Variants in SLC30A5 observed in about 807,000 individuals in gnomAD.
SLC30A5 encodes solute carrier family 30 member 5.
In SLC30A5, 33 loss-of-function variants were observed where a neutral mutation model predicts 79.6. That is an observed-to-expected ratio of 0.41 (90% CI 0.31 to 0.55). The LOEUF (loss-of-function observed/expected upper bound fraction) is 0.55. Ranked by LOEUF, SLC30A5 falls within the 20% of genes least tolerant of loss-of-function variation. SLC30A5 has a pLI of 0.20. For missense variants in SLC30A5, 788 were observed against 928.1 expected (o/e 0.85, Z 1.96); for synonymous variants, 299 against 319.7 (o/e 0.94, Z 0.69).
In SLC30A5 at chr5:69,113,228, G is replaced by A. The variant is rs947796123; in HGVS notation, c.535+1G>A. ...CTCATGGCTAAAATGGCTGAACACC[G>A]TATCCTTTTGGAATAGATCAGAGTT... On this transcript the variant is annotated splice_donor_variant, in intron 6 of 15. Transcript: ENST00000396591. LOFTEE classifies it high-confidence loss of function. 13 of 1,609,902 alleles carry A rather than the reference G, an allele frequency of 8.1e-6. No individual in the cohort carries two copies. Among genetic ancestry groups the A allele is most frequent in the Admixed American group, 3.3e-5 (2 of 59,774 alleles).
chr5:69,129,448 T>G lies in SLC30A5; in HGVS notation c.2129T>G (p.Val710Gly). The change falls in exon 16 of 16, where the codon GTT becomes GGT. Residue 710 changes from valine (V) to glycine (G), a missense_variant and splice_region_variant. Val to Gly is a moderately radical substitution (Grantham distance 109). Coordinates refer to ENST00000396591, the MANE Select transcript of SLC30A5 (RefSeq NM_022902.5). ...AAAATATCTGGATTTTTATAACAGG[T>G]TACAGGAATACTTAAAGATGCTGGA... is the stretch of plus-strand genomic sequence containing the variant. Reference protein sequence around the residue: ...DVLEQRIVQQVTGILKDAGVN... With the variant: ...DVLEQRIVQQGTGILKDAGVN... The G allele has an allele frequency of 6.2e-7, 1 of 1,609,470 alleles. No homozygotes were observed.
intron 2 of SLC30A5, among the ~76,000 whole-genome samples, chr5:69,101,924 T>G (rs1745932956): frequency 6.7e-6 from 1 of 148,850 alleles, no homozygotes; most frequent in Non-Finnish European, 1.5e-5. Context: ...GCCACTGCAC[T>G]CCAGCCTGGG....
Position 69,101,794 on chromosome 5 carries a change from T to C in SLC30A5, c.206+865T>C, listed in dbSNP as rs1222984667. Among the ~76,000 whole-genome samples, 78 of 150,416 alleles carry C rather than the reference T, an allele frequency of 5.2e-4. 2 individuals carry two copies. Among genetic ancestry groups the C allele is most frequent in the Admixed American group, 5.1e-3 (77 of 15,150 alleles). The stretch of plus-strand genomic sequence containing the variant: ...CAACATGTCGAAAGCCTGTCTCTAC[T>C]AAAGATACAAAAATTAGCCAAGCGT... On this transcript the variant is annotated intron_variant, in intron 2 of 15. Transcript: ENST00000396591.
intron 1 of SLC30A5, among the ~76,000 whole-genome samples, chr5:69,096,972 C>CAA (rs35484001): frequency 4.8e-5 from 7 of 146,410 alleles, no homozygotes; most frequent in Non-Finnish European, 7.5e-5. Flanking sequence ...CTTTCCCCTC[C>CAA]AAAAAAAAAC....
chr5:69,123,675 G>A (rs1313525392), intron 14 of SLC30A5: 2 of 387,710 alleles, frequency 5.2e-6, no homozygotes, highest in East Asian at 5.1e-5. Context: ...TCTTGGATGA[G>A]AAGACTCTTT....
intron 4 of SLC30A5, among the ~76,000 whole-genome samples, chr5:69,107,293 G>A (rs753966696): frequency 3.3e-5 from 5 of 152,108 alleles, no homozygotes; most frequent in Non-Finnish European, 4.4e-5. Flanking sequence ...AACATGCAAG[G>A]AATTGTCATC....
In SLC30A5 at chr5:69,102,050, CTTTTTTT is replaced by C. The variant is rs758327246; in HGVS notation, c.207-995_207-989del. Among the ~76,000 whole-genome samples, 200 of 99,386 alleles carry C rather than the reference CTTTTTTT, an allele frequency of 2.0e-3. 2 individuals are homozygous for C. Among genetic ancestry groups the C allele is most frequent in the African/African-American group, 6.8e-3 (160 of 23,416 alleles). 65.2% of individuals were successfully genotyped at this position (99,386 alleles called of 152,430 possible). On this transcript the variant is annotated intron_variant, in intron 2 of 15. Transcript: ENST00000396591. ...GGAAATATTAAGCACCAGTGACGTG[CTTTTTTT>C]TTTTTTTTTTTTTTTTGAGACAGTC...
At chr5:69,127,150 C>T (rs910928153) in intron 14 of SLC30A5, among the ~76,000 whole-genome samples, 5 of 152,064 alleles carry the variant, frequency 3.3e-5, no homozygotes, top group African/African-American at 9.7e-5. Flanking sequence ...TGTTGTTGAA[C>T]ATTGAGGATA....
Position 69,116,169 on chromosome 5 carries a change from G to T in SLC30A5, c.1027G>T (p.Val343Phe). Residue 343 changes from valine (V) to phenylalanine (F), a missense_variant, in exon 9 of 16, where the codon GTC (valine) becomes TTC (phenylalanine). Transcript: ENST00000396591. This position sits in a 1 kb window ranked among gnomAD's most constrained non-coding sequence, Gnocchi z 4.0. The part of the protein sequence containing the change: ...KAAHQESTEH[V>F]LSGGVVVSAI... ...AGCACACCAGGAGAGCACTGAACAC[G>T]TCCTGTCTGGAGGAGTGGTAGTGAG... The T allele has an allele frequency of 1.9e-6, 3 of 1,614,076 alleles. No homozygotes were observed. The highest frequency in any genetic ancestry group is 2.5e-6 in the Non-Finnish European group (3 of 1,179,978).
intron 5 of SLC30A5, among the ~76,000 whole-genome samples, chr5:69,112,246 G>A (rs574104327): frequency 4.3e-4 from 65 of 151,838 alleles, no homozygotes; most frequent in African/African-American, 1.4e-3. Flanking sequence ...GCAGTGAGCC[G>A]AGATCGTGCC....
At chr5:69,127,651 AAACG>A (rs1746738795) in intron 14 of SLC30A5, among the ~76,000 whole-genome samples, 1 of 152,014 alleles carries the variant, frequency 6.6e-6, no homozygotes, top group Non-Finnish European at 1.5e-5. Flanking sequence ...AAAAAAACAA[AAACG>A]AACAAAATAA....
chr5:69,112,148 T>C (rs1225254948), intron 5 of SLC30A5, among the ~76,000 whole-genome samples: 1 of 151,858 alleles, frequency 6.6e-6, no homozygotes, highest in Non-Finnish European at 1.5e-5. Flanking sequence ...AATGCAAAAA[T>C]TAGCCAAGCA....
chr5:69,126,925 T>C (rs766258533), intron 14 of SLC30A5, among the ~76,000 whole-genome samples: 4 of 151,956 alleles, frequency 2.6e-5, no homozygotes, highest in Non-Finnish European at 4.4e-5. Flanking sequence ...TACTTTTTGT[T>C]TCCTTCCCAT....
At chr5:69,121,489 A>G (rs910724391) in intron 12 of SLC30A5, among the ~76,000 whole-genome samples, 1 of 152,140 alleles carries the variant, frequency 6.6e-6, no homozygotes, top group Non-Finnish European at 1.5e-5. Flanking sequence ...ATTCTGCTTG[A>G]TATTTGAAAG....
intron 15 of SLC30A5, 57 bp from the exon 16 acceptor site, chr5:69,129,390 C>A: frequency 1.6e-6 from 2 of 1,264,976 alleles, no homozygotes; most frequent in Non-Finnish European, 1.1e-6. Context: ...CATATTAAGA[C>A]GTGTGTACTA....
chr5:69,098,645 A>C (rs1384352631), intron 1 of SLC30A5, among the ~76,000 whole-genome samples: 1 of 152,208 alleles, frequency 6.6e-6, no homozygotes, highest in Admixed American at 6.5e-5. Context: ...TGTAGAAGGC[A>C]CTATACATGG....
chr5:69,095,388 G>C (rs766354067), intron 1 of SLC30A5, among the ~76,000 whole-genome samples: 2 of 151,910 alleles, frequency 1.3e-5, no homozygotes, highest in Non-Finnish European at 2.9e-5. Context: ...TTTTAGTAGA[G>C]ACGAGGTTTC....
intron 3 of SLC30A5, chr5:69,104,037 G>A: frequency 6.4e-7 from 1 of 1,563,432 alleles, no homozygotes; most frequent in Non-Finnish European, 8.7e-7. Context: ...GAAACTAGTG[G>A]GAAACTGAGA....
In SLC30A5 at chr5:69,116,611, T is replaced by C. The variant is rs988413314; in HGVS notation, c.1281+9T>C. On this transcript the variant is annotated intron_variant, in intron 10 of 15. Coordinates refer to ENST00000396591, the MANE Select transcript of SLC30A5 (RefSeq NM_022902.5). The surrounding 1 kb of genome is among the most constrained non-coding windows in gnomAD (Gnocchi z 4.0). ...TCTTGTGCTTGAATCTGGTAAGATT[T>C]TTAAATGTTAATTGACATATCCTAA... 1 of 1,509,182 alleles carries C rather than the reference T, an allele frequency of 6.6e-7. No homozygotes were observed. Among genetic ancestry groups the C allele is most frequent in the Non-Finnish European group, 8.9e-7 (1 of 1,124,054 alleles). 93.5% of individuals were successfully genotyped at this position (1,509,182 alleles called of 1,614,324 possible). A position where few individuals can be genotyped will look rare whatever the true frequency, so the allele number is the denominator to read the frequency against.
Sources: allele counts gnomAD v4.1 joint callset (sites outside exome capture counted in the v4.1 genomes callset), GRCh38; gene constraint gnomAD v4.1.1; non-coding constraint Gnocchi (gnomAD v3.1); transcripts MANE v1.5; gene names NCBI Gene and HGNC (gene_info 2026-07-23, HGNC 2026-07-21).